Variants in PARD3B observed in about 807,000 individuals in gnomAD.
PARD3B encodes partitioning defective 3 homolog B.
PARD3B carries 103 observed loss-of-function variants against 130.2 expected under a neutral mutation model. That is an observed-to-expected ratio of 0.79 (90% confidence interval 0.67 to 0.93). The LOEUF is 0.93. Among genes scored for constraint, PARD3B ranks in the 40% least tolerant of loss-of-function variants. PARD3B has a pLI of 0.00. For synonymous variants in PARD3B, 583 were observed against 553.2 expected, an observed-to-expected ratio of 1.05 and a Z score of -0.76; for missense variants, 1,609 against 1,499.2, an observed-to-expected ratio of 1.07 and a Z score of -1.21.
chr2:205,019,610 A>G (rs1331043033), intron 3 of PARD3B, among the ~76,000 whole-genome samples: 1 of 152,148 alleles, frequency 6.6e-6, no homozygotes, highest in African/African-American at 2.4e-5. Context: ...CCAGCAGTGT[A>G]TGGTCCCAGT....
intron 4 of PARD3B, among the ~76,000 whole-genome samples, chr2:205,055,925 C>T (rs1013137281): frequency 4.6e-5 from 7 of 152,076 alleles, no homozygotes; most frequent in Non-Finnish European, 7.4e-5. Context: ...GTACCCTTAC[C>T]CTCTTTGGAG....
At chr2:205,324,631 A>C (rs1423750818) in intron 18 of PARD3B, among the ~76,000 whole-genome samples, 3 of 152,104 alleles carry the variant, frequency 2.0e-5, no homozygotes, top group Non-Finnish European at 4.4e-5. Context: ...CAGCTGTCAT[A>C]TTCTGTGATA....
intron 15 of PARD3B, among the ~76,000 whole-genome samples, chr2:205,202,984 A>G (rs2037073596): frequency 6.6e-6 from 1 of 152,146 alleles, no homozygotes; most frequent in African/African-American, 2.4e-5. Flanking sequence ...GGGGCCACAA[A>G]TGGTCTCAAA....
intron 18 of PARD3B, among the ~76,000 whole-genome samples, chr2:205,336,882 AT>A (rs1354884510): frequency 4.6e-5 from 7 of 151,878 alleles, no homozygotes; most frequent in South Asian, 2.1e-4. Flanking sequence ...CACTTTGCTT[AT>A]TAGCCATATT....
At chr2:204,894,577 A>T (rs1000156397) in intron 2 of PARD3B, among the ~76,000 whole-genome samples, 1 of 152,070 alleles carries the variant, frequency 6.6e-6, no homozygotes, top group Non-Finnish European at 1.5e-5. Flanking sequence ...AGCTTATTAT[A>T]GTAAATTGCA....
intron 4 of PARD3B, among the ~76,000 whole-genome samples, chr2:205,068,855 T>C (rs901681120): frequency 1.3e-5 from 2 of 152,158 alleles, no homozygotes; most frequent in Non-Finnish European, 2.9e-5. Flanking sequence ...GCTAATTTAA[T>C]TGCATTGTAT....
chr2:204,918,401 C>T (rs2047527039), intron 2 of PARD3B, among the ~76,000 whole-genome samples: 2 of 151,984 alleles, frequency 1.3e-5, no homozygotes, highest in Admixed American at 1.3e-4. Context: ...GAGGCCGAGG[C>T]GGGCGGATCA....
chr2:204,684,038 T>C (rs1209537874), intron 1 of PARD3B, among the ~76,000 whole-genome samples: 1 of 152,182 alleles, frequency 6.6e-6, no homozygotes, highest in East Asian at 1.9e-4. Flanking sequence ...GATATTCCCT[T>C]TGCCACTGAT....
intron 2 of PARD3B, among the ~76,000 whole-genome samples, chr2:204,698,873 A>C (rs1021560668): frequency 6.6e-6 from 1 of 152,080 alleles, no homozygotes; most frequent in African/African-American, 2.4e-5. Flanking sequence ...TGTCGCTTCA[A>C]CTGGGTGCAA....
intron 21 of PARD3B, among the ~76,000 whole-genome samples, chr2:205,542,321 C>T (rs958452213): frequency 1.3e-5 from 2 of 149,868 alleles, no homozygotes; most frequent in Non-Finnish European, 3.0e-5. Context: ...TTTTTTTTCT[C>T]TAGTTAACAG....
At chr2:204,693,746 G>A (rs921591737) in intron 2 of PARD3B, among the ~76,000 whole-genome samples, 7 of 151,962 alleles carry the variant, frequency 4.6e-5, no homozygotes, top group African/African-American at 1.7e-4. Context: ...ACTACTGTAC[G>A]ATTTATTATG....
intron 1 of PARD3B, among the ~76,000 whole-genome samples, chr2:204,617,277 C>T (rs1314030118): frequency 6.6e-6 from 1 of 152,184 alleles, no homozygotes; most frequent in African/African-American, 2.4e-5. Context: ...CATCTTGATT[C>T]TTTCAAGCCT....
intron 20 of PARD3B, among the ~76,000 whole-genome samples, chr2:205,466,198 G>A (rs2048617226): frequency 6.6e-6 from 1 of 152,192 alleles, no homozygotes; most frequent in African/African-American, 2.4e-5. Context: ...GAGGAAGGCA[G>A]TGCTGAATTG....
In PARD3B at chr2:205,575,199, G is replaced by A. The variant is rs2053712378; in HGVS notation, c.3260+21796G>A. Among the ~76,000 whole-genome samples, 1 of 150,700 alleles carries A rather than the reference G, an allele frequency of 6.6e-6. No homozygotes were observed. Among genetic ancestry groups the A allele is most frequent in the South Asian group, 2.1e-4 (1 of 4,728 alleles). On this transcript the variant is annotated intron_variant, in intron 22 of 22. Coordinates refer to ENST00000406610, the MANE Select transcript of PARD3B (RefSeq NM_001302769.2). The surrounding 1 kb of genome is among the most constrained non-coding windows in gnomAD (Gnocchi z 4.6). The stretch of plus-strand genomic sequence containing the variant: ...ATATATATCATATATATACAATATA[G>A]ATAGATACACATACACACTGTTTTT...
chr2:204,567,384 C>T (rs1002195637), intron 1 of PARD3B, among the ~76,000 whole-genome samples: 3 of 152,154 alleles, frequency 2.0e-5, no homozygotes, highest in African/African-American at 4.8e-5. Context: ...TCCCCACTCC[C>T]CCAGGCTCTG....
chr2:204,996,643 A>G (rs1394307627), intron 3 of PARD3B, among the ~76,000 whole-genome samples: 1 of 150,068 alleles, frequency 6.7e-6, no homozygotes, highest in African/African-American at 2.5e-5. Context: ...TGTTTACCTA[A>G]GCAAGCCTGG....
At chr2:205,027,878 G>A (rs1218916424) in intron 3 of PARD3B, among the ~76,000 whole-genome samples, 1 of 152,034 alleles carries the variant, frequency 6.6e-6, no homozygotes, top group Admixed American at 6.6e-5. Context: ...GACCATATAT[G>A]CACAGGTTTA....
chr2:204,748,068 A>T (rs1384365818), intron 2 of PARD3B, among the ~76,000 whole-genome samples: 1 of 152,056 alleles, frequency 6.6e-6, no homozygotes, highest in Non-Finnish European at 1.5e-5. Flanking sequence ...ATATAATAAT[A>T]TATTTTATTG....
intron 2 of PARD3B, among the ~76,000 whole-genome samples, chr2:204,905,527 G>T (rs747662001): frequency 1.3e-5 from 2 of 152,098 alleles, no homozygotes; most frequent in Non-Finnish European, 2.9e-5. Context: ...ATATACTCTG[G>T]ATCACTAAAT....
Sources: gnomAD v4.1 joint callset for allele counts (sites outside exome capture counted in the v4.1 genomes callset) on GRCh38, gnomAD v4.1.1 for gene constraint, Gnocchi (gnomAD v3.1) non-coding constraint, MANE v1.5 for transcripts, NCBI Gene and HGNC (gene_info 2026-07-23, HGNC 2026-07-21) for gene names.